The following CNTNAP2 variants were observed in gnomAD, a reference collection of about 807,000 sequenced individuals.
CNTNAP2 encodes contactin associated protein 2.
A neutral mutation model predicts 155.2 loss-of-function variants in CNTNAP2; 98 were observed. The ratio of observed to expected loss-of-function variants is 0.63; its 90% CI spans 0.54 to 0.75. CNTNAP2 has a LOEUF of 0.75. Ranked by LOEUF, CNTNAP2 falls within the 30% of genes least tolerant of loss-of-function variation. The probability of loss-of-function intolerance (pLI) is 0.00; values close to 1 mark genes in which losing one functional copy is unlikely to be tolerated. For missense variants in CNTNAP2, 1,727 were observed against 1,688.1 expected, an observed-to-expected ratio of 1.02 and a Z score of -0.40; for synonymous variants, 651 against 631.2, an observed-to-expected ratio of 1.03 and a Z score of -0.47.
chr7:146,632,512 A>G (rs1275594631), intron 1 of CNTNAP2, among the ~76,000 whole-genome samples: 1 of 152,122 alleles, frequency 6.6e-6, no homozygotes, highest in African/African-American at 2.4e-5. Context: ...GGATTTTAAT[A>G]TACAGACTAT....
chr7:146,518,381 G>A (rs1057297051), intron 1 of CNTNAP2, among the ~76,000 whole-genome samples: 1 of 151,850 alleles, frequency 6.6e-6, no homozygotes, highest in Non-Finnish European at 1.5e-5. Context: ...GTTTGGCTAT[G>A]CAATTCAGAG....
intron 2 of CNTNAP2, among the ~76,000 whole-genome samples, chr7:146,813,051 C>G (rs1323923803): frequency 6.6e-6 from 1 of 152,170 alleles, no homozygotes; most frequent in Non-Finnish European, 1.5e-5. Flanking sequence ...GTGGAAATGC[C>G]TGGATGTCTA....
chr7:146,213,323 G>T (rs944682971), intron 1 of CNTNAP2, among the ~76,000 whole-genome samples: 2 of 152,122 alleles, frequency 1.3e-5, no homozygotes, highest in Non-Finnish European at 2.9e-5. Context: ...GGAAGCCTTG[G>T]CTATTGATCA....
At chr7:148,203,743 A>C (rs1795403701) in intron 18 of CNTNAP2, among the ~76,000 whole-genome samples, 1 of 152,202 alleles carries the variant, frequency 6.6e-6, no homozygotes, top group Non-Finnish European at 1.5e-5. Context: ...CATCTCAAAA[A>C]AAAGAAAAAG....
chr7:147,479,479 G>A (rs1798383460), intron 10 of CNTNAP2, among the ~76,000 whole-genome samples: 1 of 152,170 alleles, frequency 6.6e-6, no homozygotes, highest in African/African-American at 2.4e-5. Flanking sequence ...AGTTCAACCT[G>A]GAGACAGATG....
chr7:147,653,563 G>A (rs777582341), intron 13 of CNTNAP2, among the ~76,000 whole-genome samples: 141 of 152,242 alleles, frequency 9.3e-4, no homozygotes, highest in African/African-American at 1.8e-3. Flanking sequence ...CCCTCAGTTC[G>A]ATTTTGTAAG....
At position 148,288,944 on chromosome 7, in the gene CNTNAP2, CAAAAAAAAAA is replaced by C. The variant is rs58641348; in HGVS notation, c.3475+21834_3475+21843del. Among the ~76,000 whole-genome samples the C allele has an allele frequency of 4.8e-3, 488 of 101,736 alleles. 7 individuals carry two copies. Among genetic ancestry groups the C allele is most frequent in the South Asian group, 0.041 (113 of 2,742 alleles). 66.7% of individuals were successfully genotyped at this position (101,736 alleles called of 152,430 possible). A position where few individuals can be genotyped will look rare whatever the true frequency, so the allele number is the denominator to read the frequency against. On this transcript the variant is annotated intron_variant, in intron 21 of 23. Coordinates refer to ENST00000361727, the MANE Select transcript of CNTNAP2 (RefSeq NM_014141.6). ...CAACAGATTAAAATATCTTATTCAG[CAAAAAAAAAA>C]AAAAAAAAAAAAAAAGAGAGAAAAA...
At chr7:147,937,782 T>G (rs912480929) in intron 14 of CNTNAP2, among the ~76,000 whole-genome samples, 1 of 152,228 alleles carries the variant, frequency 6.6e-6, no homozygotes, top group Non-Finnish European at 1.5e-5. Context: ...ATTAATGACT[T>G]CCTAGATTTT....
chr7:146,259,356 T>C (rs1235290552), intron 1 of CNTNAP2, among the ~76,000 whole-genome samples: 1 of 151,830 alleles, frequency 6.6e-6, no homozygotes, highest in Non-Finnish European at 1.5e-5. Context: ...CAGGCAGAGA[T>C]TGGAACAGTT....
At chr7:147,918,480 G>A (rs1338139115) in intron 14 of CNTNAP2, among the ~76,000 whole-genome samples, 1 of 152,100 alleles carries the variant, frequency 6.6e-6, no homozygotes, top group Admixed American at 6.5e-5. Context: ...AAAAGATAAT[G>A]GGTGTGTACT....
intron 2 of CNTNAP2, among the ~76,000 whole-genome samples, chr7:146,833,230 C>G (rs1051491508): frequency 6.6e-6 from 1 of 152,058 alleles, no homozygotes; most frequent in Non-Finnish European, 1.5e-5. Flanking sequence ...TCCACTAGCC[C>G]TCAATTGCTA....
At chr7:148,086,836 G>C (rs954762262) in intron 15 of CNTNAP2, among the ~76,000 whole-genome samples, 16 of 152,154 alleles carry the variant, frequency 1.1e-4, no homozygotes, top group Non-Finnish European at 1.8e-4. Context: ...GTCATCATCA[G>C]ATTAAGCTGC....
intron 13 of CNTNAP2, among the ~76,000 whole-genome samples, chr7:147,860,589 C>CAA (rs11342244): frequency 4.0e-5 from 5 of 124,426 alleles, no homozygotes; most frequent in Non-Finnish European, 3.4e-5. Flanking sequence ...GACTCTGTCT[C>CAA]AAAAAAAAAA....
intron 1 of CNTNAP2, among the ~76,000 whole-genome samples, chr7:146,230,406 T>C (rs1799364670): frequency 6.6e-6 from 1 of 152,216 alleles, no homozygotes; most frequent in Non-Finnish European, 1.5e-5. Flanking sequence ...AGTATGCTGA[T>C]ACAAAATGCT....
chr7:147,486,939 AAG>A (rs1244702821), intron 11 of CNTNAP2, among the ~76,000 whole-genome samples: 6 of 132,448 alleles, frequency 4.5e-5, no homozygotes, highest in Non-Finnish European at 3.3e-5. Flanking sequence ...GCAAGAGAAA[AAG>A]AGAGATTCAA....
At chr7:148,405,454 A>C (rs1585349748) in intron 22 of CNTNAP2, among the ~76,000 whole-genome samples, 1 of 70,450 alleles carries the variant, frequency 1.4e-5, no homozygotes, top group East Asian at 4.7e-4. Context: ...TTTGAGACGG[A>C]GTCTCGCTCT....
chr7:146,737,553 T>C (rs1431987393), intron 1 of CNTNAP2, among the ~76,000 whole-genome samples: 2 of 152,140 alleles, frequency 1.3e-5, no homozygotes, highest in Non-Finnish European at 1.5e-5. Context: ...AAGTGCCTTA[T>C]GTACAGGTTA....
intron 1 of CNTNAP2, among the ~76,000 whole-genome samples, chr7:146,694,564 T>C (rs1357801631): frequency 6.6e-6 from 1 of 152,160 alleles, no homozygotes; most frequent in Non-Finnish European, 1.5e-5. Context: ...CCTTCAGTAT[T>C]GTTTGGCCAT....
At chr7:147,166,413 G>T (rs1458070770) in intron 8 of CNTNAP2, among the ~76,000 whole-genome samples, 1 of 152,102 alleles carries the variant, frequency 6.6e-6, no homozygotes, top group Non-Finnish European at 1.5e-5. Flanking sequence ...GGCGGGTGAG[G>T]GATCAAAGAC....
Sources: gnomAD v4.1 joint callset for allele counts (sites outside exome capture counted in the v4.1 genomes callset) on GRCh38, gnomAD v4.1.1 for gene constraint, MANE v1.5 for transcripts, NCBI Gene and HGNC (gene_info 2026-07-23, HGNC 2026-07-21) for gene names.